ZNF407: variants seen among roughly 807,000 people sequenced by gnomAD.
ZNF407 encodes zinc finger protein 407.
A neutral mutation model predicts 131.2 loss-of-function variants in ZNF407; 17 were observed. The observed-to-expected ratio is 0.13, with a 90% confidence interval of 0.09 to 0.19. The LOEUF (loss-of-function observed/expected upper bound fraction) is 0.19, where lower values mean the gene tolerates loss of function less well. Among genes scored for constraint, ZNF407 ranks in the 10% least tolerant of loss-of-function variants. The pLI, the probability that ZNF407 is intolerant of heterozygous loss-of-function variation, is 1.00. For synonymous variants in ZNF407, 1,156 were observed against 1,062.0 expected, an observed-to-expected ratio of 1.09 and a Z score of -1.72; for missense variants, 2,681 against 2,830.6, an observed-to-expected ratio of 0.95 and a Z score of 1.20.
At chr18:74,668,943 G>T (rs1398542226) in intron 3 of ZNF407, among the ~76,000 whole-genome samples, 2 of 152,114 alleles carry the variant, frequency 1.3e-5, no homozygotes, top group East Asian at 3.9e-4. Context: ...TCTCATGCGT[G>T]TCACGTTCTG....
At position 74,880,594 on chromosome 18, in the gene ZNF407, A is replaced by G. The variant is rs974518289; in HGVS notation, c.5045-442A>G. ...AATAGAATCAGGTAGAACCAATTCA[A>G]TATCCTTAAGTTGCTGGAAAATTCA... On this transcript the variant is annotated intron_variant, in intron 5 of 8. Transcript: ENST00000299687. Among the ~76,000 whole-genome samples the G allele has an allele frequency of 7.0e-4, 107 of 152,354 alleles. 1 individual carries two copies. The highest frequency in any genetic ancestry group is 2.4e-3 in the African/African-American group (101 of 41,580).
chr18:75,019,216 A>T (rs1220035313), intron 8 of ZNF407, among the ~76,000 whole-genome samples: 1 of 152,338 alleles, frequency 6.6e-6, no homozygotes, highest in East Asian at 1.9e-4. Context: ...GAGGTAGCTT[A>T]TATAAAATAC....
chr18:74,964,032 C>T (rs1007115746), intron 8 of ZNF407, among the ~76,000 whole-genome samples: 3 of 152,190 alleles, frequency 2.0e-5, no homozygotes, highest in African/African-American at 7.2e-5. Context: ...AATGTCTTTT[C>T]CAGCCATGGT....
rs182479337 is a variant in ZNF407 at position 74,940,329 on chromosome 18, G to A, written c.5428+19637G>A. Reference sequence around the variant, plus strand: ...GCGGGGGCACTGAGGGCATGGAAACGCCTGCCCCTGCCCAGGGAAGGGGCG... The same window carrying A: ...GCGGGGGCACTGAGGGCATGGAAACACCTGCCCCTGCCCAGGGAAGGGGCG... On this transcript the variant is annotated intron_variant, in intron 8 of 8. Coordinates refer to ENST00000299687, the MANE Select transcript of ZNF407 (RefSeq NM_017757.3). Among the ~76,000 whole-genome samples, 535 of 152,190 alleles carry A rather than the reference G, an allele frequency of 3.5e-3. 2 individuals are homozygous for A. The highest frequency in any genetic ancestry group is 7.9e-3 in the South Asian group (38 of 4,818).
chr18:74,770,877 G>T (rs905441878), intron 3 of ZNF407, among the ~76,000 whole-genome samples: 4 of 152,110 alleles, frequency 2.6e-5, no homozygotes, highest in Non-Finnish European at 5.9e-5. Context: ...CTCAGGAGAG[G>T]TGTGAAATTT....
intron 3 of ZNF407, among the ~76,000 whole-genome samples, chr18:74,692,834 C>G (rs968830826): frequency 2.0e-5 from 3 of 152,138 alleles, no homozygotes; most frequent in Admixed American, 6.5e-5. Flanking sequence ...AGAGCAGTGT[C>G]TTTGCTTTTC....
At chr18:74,790,813 G>A (rs986894761) in intron 4 of ZNF407, among the ~76,000 whole-genome samples, 6 of 152,130 alleles carry the variant, frequency 3.9e-5, no homozygotes, top group African/African-American at 1.4e-4. Context: ...TTTTTGTGAG[G>A]AATTTTCAGG....
chr18:74,850,106 A>C (rs151196288), intron 4 of ZNF407, among the ~76,000 whole-genome samples: 43 of 152,308 alleles, frequency 2.8e-4, no homozygotes, highest in Admixed American at 9.8e-4. Context: ...TTGGAAGTTA[A>C]AGGGTTTTCC....
intron 8 of ZNF407, among the ~76,000 whole-genome samples, chr18:75,036,906 C>T (rs1400225724): frequency 6.6e-6 from 1 of 152,204 alleles, no homozygotes; most frequent in Non-Finnish European, 1.5e-5. Context: ...GGGTTGCTGC[C>T]TTTGGCCATC....
chr18:74,760,156 A>G (rs1330921580), intron 3 of ZNF407, among the ~76,000 whole-genome samples: 1 of 152,110 alleles, frequency 6.6e-6, no homozygotes, highest in Non-Finnish European at 1.5e-5. Flanking sequence ...ATGTGTGGCG[A>G]CTAACGTCAC....
intron 8 of ZNF407, among the ~76,000 whole-genome samples, chr18:74,995,828 G>A (rs887994229): frequency 2.0e-5 from 3 of 152,184 alleles, no homozygotes; most frequent in Non-Finnish European, 4.4e-5. Context: ...CTTTGTGTTA[G>A]ATCAGGGAAA....
Position 74,913,891 on chromosome 18 carries a change from A to G in ZNF407, c.5250-6623A>G, listed in dbSNP as rs575063144. 1.7e-4 allele frequency among the ~76,000 whole-genome samples: 26 copies of G among 152,284 alleles called. No homozygotes were observed. The East Asian group carries it at 3.3e-3, about 19-fold the overall frequency. On this transcript the variant is annotated intron_variant, in intron 7 of 8. Transcript: ENST00000299687. ...GTGGTGTTCTGTTTATTATTTTAAC[A>G]TACATCGCCTTTGAACAGAATAAGA...
At chr18:74,855,894 A>G (rs1190581016) in intron 4 of ZNF407, among the ~76,000 whole-genome samples, 2 of 152,170 alleles carry the variant, frequency 1.3e-5, no homozygotes, top group African/African-American at 4.8e-5. Flanking sequence ...ATCCCATTCA[A>G]TTTGACTTGA....
chr18:74,817,214 T>G (rs1025008715), intron 4 of ZNF407, among the ~76,000 whole-genome samples: 1 of 152,202 alleles, frequency 6.6e-6, no homozygotes, highest in African/African-American at 2.4e-5. Flanking sequence ...TCATTTACTC[T>G]TTTGCAGTTT....
chr18:74,880,569 A>G (rs1330958220), intron 5 of ZNF407, among the ~76,000 whole-genome samples: 1 of 152,182 alleles, frequency 6.6e-6, no homozygotes, highest in Admixed American at 6.5e-5. Context: ...GGAAGACCCT[A>G]ATAGAATCAG....
intron 3 of ZNF407, among the ~76,000 whole-genome samples, chr18:74,728,555 A>G (rs1033758986): frequency 6.6e-6 from 1 of 152,140 alleles, no homozygotes; most frequent in Non-Finnish European, 1.5e-5. Flanking sequence ...GATTCCTTCT[A>G]GTGTTGATTG....
intron 4 of ZNF407, among the ~76,000 whole-genome samples, chr18:74,835,760 T>A (rs532687918): frequency 2.0e-4 from 31 of 152,164 alleles, no homozygotes; most frequent in Admixed American, 1.4e-3. Context: ...ATATTTAATT[T>A]ATCTGGTGCT....
chr18:74,748,723 G>A (rs1160444802), intron 3 of ZNF407, among the ~76,000 whole-genome samples: 4 of 152,128 alleles, frequency 2.6e-5, no homozygotes, highest in African/African-American at 7.2e-5. Context: ...CATTATGGCA[G>A]TATCCTATGA....
chr18:74,779,850 G>C (rs970603782), intron 3 of ZNF407, among the ~76,000 whole-genome samples: 1 of 151,628 alleles, frequency 6.6e-6, no homozygotes, highest in Non-Finnish European at 1.5e-5. Flanking sequence ...TTGCAGCTTT[G>C]GGTTTTTAAC....
Sources: gnomAD v4.1 joint callset for allele counts (sites outside exome capture counted in the v4.1 genomes callset) on GRCh38, gnomAD v4.1.1 for gene constraint, MANE v1.5 for transcripts, NCBI Gene and HGNC (gene_info 2026-07-23, HGNC 2026-07-21) for gene names.